SOX6: variants seen among roughly 807,000 people sequenced by gnomAD.
The protein encoded by SOX6 is SRY-box transcription factor 6, also known as transcription factor SOX-6.
In SOX6, 11 loss-of-function variants were observed where a neutral mutation model predicts 97.8. That is an observed-to-expected ratio of 0.11 (90% CI 0.07 to 0.19). The LOEUF is 0.19. Among genes scored for constraint, SOX6 ranks in the 10% least tolerant of loss-of-function variants. The probability of loss-of-function intolerance (pLI) is 1.00; values close to 1 mark genes in which losing one functional copy is unlikely to be tolerated. For synonymous variants in SOX6, 360 were observed against 371.4 expected, an observed-to-expected ratio of 0.97 and a Z score of 0.35; for missense variants, 810 against 1,039.5, an observed-to-expected ratio of 0.78 and a Z score of 3.04.
chr11:16,573,676 C>T (rs895526968), intron 4 of SOX6, among the ~76,000 whole-genome samples: 1 of 152,162 alleles, frequency 6.6e-6, no homozygotes, highest in South Asian at 2.1e-4. Context: ...ATAAAACAAC[C>T]AATACATTAA....
At chr11:16,526,718 C>T (rs1565172452) in intron 4 of SOX6, among the ~76,000 whole-genome samples, 1 of 151,970 alleles carries the variant, frequency 6.6e-6, no homozygotes, top group Non-Finnish European at 1.5e-5. Flanking sequence ...ACTAACTTAT[C>T]TAAATATTAA....
intron 4 of SOX6, among the ~76,000 whole-genome samples, chr11:16,497,611 G>A (rs968064445): frequency 6.6e-6 from 1 of 152,132 alleles, no homozygotes; most frequent in Non-Finnish European, 1.5e-5. Context: ...CCAATGTACA[G>A]AAGTCCTTAA....
chr11:16,081,866 CAT>C (rs1186405787), intron 9 of SOX6, among the ~76,000 whole-genome samples: 1 of 152,154 alleles, frequency 6.6e-6, no homozygotes, highest in Non-Finnish European at 1.5e-5. Context: ...GATGTAAACA[CAT>C]ATGTCTCTTA....
At chr11:16,055,963 G>GA (rs1564929704) in intron 9 of SOX6, 62 bp from the exon 10 acceptor site, 3 of 1,569,830 alleles carry the variant, frequency 1.9e-6, no homozygotes, top group South Asian at 2.2e-5. Context: ...AGTTTCAAAA[G>GA]AAAAAACTTA....
In SOX6 at chr11:16,312,024, C is replaced by T. The variant is rs373147521; in HGVS notation, c.445+6422G>A. On this transcript the variant is annotated intron_variant, in intron 3 of 15. Transcript: ENST00000683767. ...TGGAAAGCCTGTCCCACCAGGAATT[C>T]AAAGCTCAAATGCTGCTGTCCCTTC... 7.2e-5 allele frequency: 11 copies of T among 152,284 alleles called. 1 individual carries two copies. The South Asian group carries it at 2.3e-3, about 32-fold the overall frequency. 9.4% of individuals were successfully genotyped at this position (152,284 alleles called of 1,614,324 possible).
chr11:16,576,558 A>G (rs1264763090), intron 4 of SOX6, among the ~76,000 whole-genome samples: 2 of 152,218 alleles, frequency 1.3e-5, no homozygotes, highest in Non-Finnish European at 2.9e-5. Flanking sequence ...GATGTTTAAC[A>G]TTATTCTTTT....
intron 6 of SOX6, among the ~76,000 whole-genome samples, chr11:16,178,919 A>G (rs1260290913): frequency 1.3e-5 from 2 of 151,940 alleles, no homozygotes; most frequent in Admixed American, 1.3e-4. Context: ...CCAAAAGACA[A>G]TAAATGGAAG....
At chr11:16,349,421 A>T (rs963443157) in intron 1 of SOX6, among the ~76,000 whole-genome samples, 3 of 81,920 alleles carry the variant, frequency 3.7e-5, no homozygotes, top group Non-Finnish European at 7.1e-5. Context: ...GTTTGAGACC[A>T]GCCTGGCCAA....
At chr11:16,669,570 T>C (rs1002807821) in intron 3 of SOX6, among the ~76,000 whole-genome samples, 1 of 152,202 alleles carries the variant, frequency 6.6e-6, no homozygotes, top group Non-Finnish European at 1.5e-5. Flanking sequence ...CTGGGGCTAT[T>C]GAGCCAGGGG....
rs1847700361 is a variant in SOX6, at chr11:16,654,756, A to C, written n.430-42496T>G. ...CTTCTAGCATCTATTATCATTGCTA[A>C]GAAGCCTTCTGCTAGTCCAAAATTA... On this transcript the variant is annotated intron_variant and non_coding_transcript_variant, in intron 3 of 5. Transcript: ENST00000524520. Among the ~76,000 whole-genome samples the C allele has an allele frequency of 1.3e-5, 2 of 152,254 alleles. 1 individual carries two copies. The highest frequency in any genetic ancestry group is 4.1e-4 in the South Asian group (2 of 4,834).
chr11:16,054,604 C>T (rs1474327278), intron 10 of SOX6, among the ~76,000 whole-genome samples: 1 of 152,012 alleles, frequency 6.6e-6, no homozygotes, highest in African/African-American at 2.4e-5. Context: ...CTCAAAATTC[C>T]CATATGCAAA....
intron 4 of SOX6, among the ~76,000 whole-genome samples, chr11:16,555,743 A>C (rs1230207178): frequency 2.0e-5 from 3 of 151,742 alleles, no homozygotes; most frequent in African/African-American, 7.2e-5. Flanking sequence ...CTGCAAAAGA[A>C]ATAGAGATAT....
At chr11:16,666,865 A>G (rs1847810887) in intron 3 of SOX6, among the ~76,000 whole-genome samples, 1 of 152,126 alleles carries the variant, frequency 6.6e-6, no homozygotes, top group African/African-American at 2.4e-5. Flanking sequence ...TGAGATCTAG[A>G]AAATAGTCTT....
intron 6 of SOX6, among the ~76,000 whole-genome samples, chr11:16,173,181 A>G (rs1851085606): frequency 6.6e-6 from 1 of 151,950 alleles, no homozygotes; most frequent in African/African-American, 2.4e-5. Context: ...AGGCTCTTGA[A>G]GTTGGCATCC....
At chr11:16,448,963 T>C (rs1025754539) in intron 1 of SOX6, among the ~76,000 whole-genome samples, 6 of 152,152 alleles carry the variant, frequency 3.9e-5, no homozygotes, top group Admixed American at 6.5e-5. Context: ...GCCTAGGAGT[T>C]CAAGGCTGCA....
At chr11:16,728,649 T>C (rs1452660263) in intron 2 of SOX6, among the ~76,000 whole-genome samples, 1 of 151,766 alleles carries the variant, frequency 6.6e-6, no homozygotes, top group Non-Finnish European at 1.5e-5. Flanking sequence ...ATGCTGAAAA[T>C]TCCAAAAACC....
At chr11:16,656,951 A>C (rs986895451) in intron 3 of SOX6, among the ~76,000 whole-genome samples, 2 of 152,244 alleles carry the variant, frequency 1.3e-5, no homozygotes, top group African/African-American at 4.8e-5. Context: ...CTGATGAACC[A>C]ATATTGACAT....
intron 3 of SOX6, among the ~76,000 whole-genome samples, chr11:16,663,856 A>G (rs144184910): frequency 2.3e-4 from 35 of 152,338 alleles, no homozygotes; most frequent in African/African-American, 8.2e-4. Flanking sequence ...AAACATACTT[A>G]CTTTAAAGCC....
chr11:16,402,366 G>A (rs1858582970), intron 1 of SOX6, among the ~76,000 whole-genome samples: 1 of 151,646 alleles, frequency 6.6e-6, no homozygotes, highest in South Asian at 2.1e-4. Flanking sequence ...ATTTTATTCA[G>A]TGTGCATTTG....
Sources: gnomAD v4.1 joint callset for allele counts (sites outside exome capture counted in the v4.1 genomes callset) on GRCh38, gnomAD v4.1.1 for gene constraint, MANE v1.5 for transcripts, NCBI Gene and HGNC (gene_info 2026-07-23, HGNC 2026-07-21) for gene names.